RNF8: variants seen among roughly 807,000 people sequenced by gnomAD.
RNF8 encodes the protein E3 ubiquitin-protein ligase RNF8.
Under a neutral mutation model 59.3 loss-of-function variants are expected in RNF8, and 8 were observed. The ratio of observed to expected loss-of-function variants is 0.13; its 90% CI spans 0.08 to 0.24. The LOEUF (loss-of-function observed/expected upper bound fraction) is 0.24. Among genes scored for constraint, RNF8 ranks in the 10% least tolerant of loss-of-function variants. The pLI is 1.00. For missense variants in RNF8, 406 were observed against 572.6 expected (o/e 0.71, Z 2.97); for synonymous variants, 162 against 200.0 (o/e 0.81, Z 1.60).
At chr6:37,368,202 A>G (rs1769644683) in intron 2 of RNF8, among the ~76,000 whole-genome samples, 1 of 152,154 alleles carries the variant, frequency 6.6e-6, no homozygotes. Flanking sequence ...CTTTAATGCT[A>G]TTCCATGTGT....
chr6:37,368,754 A>G lies in RNF8; in HGVS notation c.511A>G (p.Asn171Asp), dbSNP rs752163615. ...LAGPGAEGPS[N>D]LKSKINKVSC... ...AGGTCCTGGAGCTGAAGGCCCCTCA[A>G]ATTTGAAATCCAAAATAAATAAAGT... The change falls in exon 3 of 8, where the codon AAT (asparagine) becomes GAT (aspartate). Residue 171 changes from asparagine (N) to aspartate (D), a missense_variant. Coordinates refer to ENST00000373479, the MANE Select transcript of RNF8 (RefSeq NM_003958.4). 7.4e-6 allele frequency: 12 copies of G among 1,614,088 alleles called. No individual in the cohort carries two copies. The highest frequency in any genetic ancestry group is 4.4e-5 in the South Asian group (4 of 91,088).
At position 37,367,656 on chromosome 6, in the gene RNF8, G is replaced by A. The variant is rs536230666; in HGVS notation, c.241-828G>A. On this transcript the variant is annotated intron_variant, in intron 2 of 7. Transcript: ENST00000373479. ...TGGCCTCAAGTGATCCGCACACCTC[G>A]GCCTCTCAAAGTGCTGAGATTACAG... Among the ~76,000 whole-genome samples the A allele has an allele frequency of 4.6e-5, 7 of 152,226 alleles. No homozygotes were observed. In the East Asian group the frequency reaches 1.2e-3, roughly 25 times the overall value.
At chr6:37,383,689 C>T (rs1770371273) in intron 7 of RNF8, among the ~76,000 whole-genome samples, 1 of 152,074 alleles carries the variant, frequency 6.6e-6, no homozygotes, top group African/African-American at 2.4e-5. Context: ...TTGTGTGAGA[C>T]CAGAGGAGAG....
chr6:37,362,975 C>T (rs9394431), intron 2 of RNF8, among the ~76,000 whole-genome samples: 46,548 of 152,044 alleles, frequency 0.31, 8,811 homozygotes, highest in East Asian at 0.66. Flanking sequence ...TCAGATGGCC[C>T]GTCCTTTGTA....
rs141290438 is a variant in RNF8 at position 37,391,348 on chromosome 6, A to T, written c.*590A>T. On this transcript the variant is annotated 3_prime_UTR_variant, in exon 8 of 8. Transcript: ENST00000373479. ...ACAACCAAGAAAGTGACTGTATCAG[A>T]TGATAGACTTCAAGTGAATGTCAGC... is the stretch of plus-strand genomic sequence containing the variant. The T allele has an allele frequency of 3.8e-3, 593 of 154,702 alleles. 2 individuals carry two copies. Among genetic ancestry groups the T allele is most frequent in the African/African-American group, 0.014 (562 of 41,598 alleles). 9.6% of individuals were successfully genotyped at this position (154,702 alleles called of 1,614,324 possible).
chr6:37,355,715 A>G (rs941896232), intron 1 of RNF8, among the ~76,000 whole-genome samples: 17 of 152,170 alleles, frequency 1.1e-4, no homozygotes, highest in Admixed American at 9.8e-4. Context: ...TCTGCCTCCA[A>G]ATACCTCTTC....
chr6:37,370,363 G>A (rs1457702989), intron 3 of RNF8: 1 of 152,136 alleles, frequency 6.6e-6, no homozygotes, highest in Non-Finnish European at 1.5e-5. Flanking sequence ...GGTGGTTTAT[G>A]TCTACGTGTT....
chr6:37,372,189 C>T (rs1769837050), intron 4 of RNF8, among the ~76,000 whole-genome samples: 1 of 152,116 alleles, frequency 6.6e-6, no homozygotes, highest in South Asian at 2.1e-4. Context: ...ATGTCTTCTA[C>T]CTTTTATGTA....
chr6:37,367,063 C>T lies in RNF8; in HGVS notation c.241-1421C>T, dbSNP rs770293940. 2.7e-4 allele frequency among the ~76,000 whole-genome samples: 41 copies of T among 152,206 alleles called. 1 individual carries two copies. The highest frequency in any genetic ancestry group is 4.7e-4 in the Non-Finnish European group (32 of 68,044). On this transcript the variant is annotated intron_variant, in intron 2 of 7. Coordinates refer to ENST00000373479, the MANE Select transcript of RNF8 (RefSeq NM_003958.4). Reference sequence around the variant, plus strand: ...CTTTTCACTCAATATATTTACCTTGCGTGACATTGAGCATAGAGTTGAAAT... The same window carrying T: ...CTTTTCACTCAATATATTTACCTTGTGTGACATTGAGCATAGAGTTGAAAT...
chr6:37,373,344 G>A (rs1338742216), intron 4 of RNF8, among the ~76,000 whole-genome samples: 2 of 152,160 alleles, frequency 1.3e-5, no homozygotes, highest in Admixed American at 6.5e-5. Context: ...TTCTCTGAAT[G>A]CTTTTCATAC....
chr6:37,371,492 A>C lies in RNF8; in HGVS notation c.976-20A>C. The C allele has an allele frequency of 6.2e-7, 1 of 1,611,196 alleles. No homozygotes were observed. The highest frequency in any genetic ancestry group is 1.1e-5 in the South Asian group (1 of 90,830). On this transcript the variant is annotated intron_variant, in intron 3 of 7. Transcript: ENST00000373479. Reference sequence around the variant, plus strand: ...TCTTTTCCCTGCAGAGAAACCTTCCATTTTGTTTTGGCTTTGCAGGGTTTG... The same window carrying C: ...TCTTTTCCCTGCAGAGAAACCTTCCCTTTTGTTTTGGCTTTGCAGGGTTTG...
chr6:37,355,464 A>C (rs1268732134), intron 1 of RNF8, among the ~76,000 whole-genome samples: 1 of 152,198 alleles, frequency 6.6e-6, no homozygotes. Context: ...CTGCGCTCGA[A>C]GAGTTTAAGG....
chr6:37,388,270 T>C lies in RNF8; in HGVS notation c.1442-2472T>C, dbSNP rs191386872. ...GGGGACTGCAAGGGAGCTCAGATCA[T>C]GTCTAGGTTTCTTTCTATTGGGGCA... On this transcript the variant is annotated intron_variant, in intron 7 of 7. Transcript: ENST00000373479. Among the ~76,000 whole-genome samples the C allele has an allele frequency of 1.0e-3, 154 of 152,320 alleles. 1 individual carries two copies. The highest frequency in any genetic ancestry group is 3.4e-3 in the African/African-American group (142 of 41,576).
chr6:37,373,927 A>C (rs776137822), intron 4 of RNF8, among the ~76,000 whole-genome samples: 2 of 152,230 alleles, frequency 1.3e-5, no homozygotes, highest in Non-Finnish European at 2.9e-5. Flanking sequence ...TATAAGCTAT[A>C]CTTAAGCATG....
rs369126961 is a variant in RNF8, at chr6:37,389,191, A to T, written c.1442-1551A>T. On this transcript the variant is annotated intron_variant, in intron 7 of 7. Coordinates refer to ENST00000373479, the MANE Select transcript of RNF8 (RefSeq NM_003958.4). ...GTAGCTCTTCAGTAAATATGTGTTT[A>T]TGAAGAGTTATAAAGTGAGAAGTCA... 1.3e-4 allele frequency among the ~76,000 whole-genome samples: 20 copies of T among 152,254 alleles called. No homozygotes were observed. The South Asian group carries it at 3.9e-3, about 30-fold the overall frequency.
At chr6:37,361,444 C>T in intron 2 of RNF8, 1 of 438,794 alleles carries the variant, frequency 2.3e-6, no homozygotes, top group South Asian at 1.6e-5. Flanking sequence ...TGAATAGCCA[C>T]TGCACTCCAG....
At chr6:37,382,639 G>T (rs556274166) in intron 7 of RNF8, among the ~76,000 whole-genome samples, 3 of 152,236 alleles carry the variant, frequency 2.0e-5, no homozygotes, top group Non-Finnish European at 4.4e-5. Flanking sequence ...TACCACCTAA[G>T]TTCCTTCCCT....
intron 4 of RNF8, among the ~76,000 whole-genome samples, chr6:37,374,081 A>G (rs1044750477): frequency 6.6e-6 from 1 of 152,244 alleles, no homozygotes; most frequent in East Asian, 1.9e-4. Flanking sequence ...TTGTCTGAGC[A>G]TGTAATATGT....
intron 7 of RNF8, among the ~76,000 whole-genome samples, chr6:37,384,120 C>T (rs920532320): frequency 2.6e-5 from 4 of 151,144 alleles, no homozygotes; most frequent in Non-Finnish European, 4.4e-5. Context: ...TTCCTTAGCT[C>T]CCTTGCTACT....
Sources: allele counts gnomAD v4.1 joint callset (sites outside exome capture counted in the v4.1 genomes callset), GRCh38; gene constraint gnomAD v4.1.1; transcripts MANE v1.5; gene names NCBI Gene and HGNC (gene_info 2026-07-23, HGNC 2026-07-21).